Variants in GRK5 observed in about 807,000 individuals in gnomAD.
GRK5 encodes g protein-coupled receptor kinase GRK5.
GRK5 carries 40 observed loss-of-function variants against 78.4 expected under a neutral mutation model. The ratio of observed to expected loss-of-function variants is 0.51; its 90% CI spans 0.40 to 0.66. The LOEUF (loss-of-function observed/expected upper bound fraction) is 0.66. GRK5 is among the 30% of genes least tolerant of loss of function. The pLI, the probability that GRK5 is intolerant of heterozygous loss-of-function variation, is 0.00. For missense variants in GRK5, 598 were observed against 759.9 expected, an observed-to-expected ratio of 0.79 and a Z score of 2.50; for synonymous variants, 289 against 296.8, an observed-to-expected ratio of 0.97 and a Z score of 0.27.
intron 3 of GRK5, among the ~76,000 whole-genome samples, chr10:119,392,593 G>A (rs1417056525): frequency 1.3e-5 from 2 of 152,268 alleles, no homozygotes; most frequent in East Asian, 1.9e-4. Context: ...TAGTGGAGAC[G>A]GGGTTTCACT....
chr10:119,332,313 C>T (rs1227510621), intron 2 of GRK5, among the ~76,000 whole-genome samples: 1 of 151,944 alleles, frequency 6.6e-6, no homozygotes, highest in Non-Finnish European at 1.5e-5. Context: ...TGCCATGTTG[C>T]CCAGGCTGGT....
In GRK5 at chr10:119,431,378, G is replaced by A. The variant is rs747121115; in HGVS notation, c.598-9G>A. ...CTCCTGCCACCCTGGTTTCTTTCTT[G>A]CACTGCAGGTCTGTGCCTGCCAGGT... On this transcript the variant is annotated splice_polypyrimidine_tract_variant and intron_variant, in intron 7 of 15. Transcript: ENST00000392870. This position sits in a 1 kb window ranked among gnomAD's most constrained non-coding sequence, Gnocchi z 4.8. The A allele has an allele frequency of 6.2e-6, 10 of 1,610,186 alleles. No individual in the cohort carries two copies. The highest frequency in any genetic ancestry group is 8.5e-6 in the Non-Finnish European group (10 of 1,178,046).
chr10:119,393,123 G>A (rs1367086630), intron 3 of GRK5, among the ~76,000 whole-genome samples: 1 of 152,244 alleles, frequency 6.6e-6, no homozygotes, highest in African/African-American at 2.4e-5. Context: ...GGCCACTGTG[G>A]AGACATGGCC....
intron 1 of GRK5, among the ~76,000 whole-genome samples, chr10:119,269,401 G>A (rs533770942): frequency 5.9e-5 from 9 of 152,278 alleles, no homozygotes; most frequent in South Asian, 2.1e-4. Context: ...ACATGCAGCC[G>A]AGGGTTCCTG....
At chr10:119,337,942 G>A (rs1283462416) in intron 2 of GRK5, among the ~76,000 whole-genome samples, 1 of 151,988 alleles carries the variant, frequency 6.6e-6, no homozygotes, top group African/African-American at 2.4e-5. Context: ...TTTTTCATGA[G>A]GACACCACTC....
At chr10:119,225,521 C>T (rs1236994468) in intron 1 of GRK5, among the ~76,000 whole-genome samples, 2 of 152,076 alleles carry the variant, frequency 1.3e-5, no homozygotes, top group Non-Finnish European at 2.9e-5. Context: ...CCCTATCAAG[C>T]ACTCTTCTGG....
At position 119,452,931 on chromosome 10, in the gene GRK5, G is replaced by A; in HGVS notation, c.1542+123G>A. The A allele has an allele frequency of 8.1e-7, 1 of 1,228,822 alleles. No individual in the cohort carries two copies. The highest frequency in any genetic ancestry group is 1.2e-6 in the Non-Finnish European group (1 of 860,390). 76.1% of individuals were successfully genotyped at this position (1,228,822 alleles called of 1,614,324 possible). A position where few individuals can be genotyped will look rare whatever the true frequency, so the allele number is the denominator to read the frequency against. On this transcript the variant is annotated intron_variant, in intron 14 of 15. Coordinates refer to ENST00000392870, the MANE Select transcript of GRK5 (RefSeq NM_005308.3). This position sits in a 1 kb window ranked among gnomAD's most constrained non-coding sequence, Gnocchi z 4.4. ...AGCGCATGGTTTCTGTTTTCTCCATGAAGGCAGCACACAAAAGCTGTCAGT... is the reference window on the plus strand; with the variant it reads ...AGCGCATGGTTTCTGTTTTCTCCATAAAGGCAGCACACAAAAGCTGTCAGT...
chr10:119,374,272 G>A (rs1851591446), intron 2 of GRK5, among the ~76,000 whole-genome samples: 1 of 152,222 alleles, frequency 6.6e-6, no homozygotes. Context: ...GAAGTGACTT[G>A]TCCAAGGTTA....
At chr10:119,360,265 C>A (rs1218122903) in intron 2 of GRK5, among the ~76,000 whole-genome samples, 1 of 152,194 alleles carries the variant, frequency 6.6e-6, no homozygotes, top group Non-Finnish European at 1.5e-5. Flanking sequence ...CCAGCCCTGC[C>A]CCAAAGCAGA....
chr10:119,254,116 C>G (rs1849244318), intron 1 of GRK5, among the ~76,000 whole-genome samples: 1 of 152,170 alleles, frequency 6.6e-6, no homozygotes, highest in African/African-American at 2.4e-5. Context: ...GGTGACTGTC[C>G]CCTAAAGTGG....
At chr10:119,248,102 C>T (rs1849143250) in intron 1 of GRK5, among the ~76,000 whole-genome samples, 1 of 152,154 alleles carries the variant, frequency 6.6e-6, no homozygotes, top group Non-Finnish European at 1.5e-5. Flanking sequence ...GCCTCAACCT[C>T]CTGGACTCTA....
At chr10:119,225,483 C>G (rs1398137824) in intron 1 of GRK5, among the ~76,000 whole-genome samples, 1 of 152,060 alleles carries the variant, frequency 6.6e-6, no homozygotes, top group East Asian at 1.9e-4. Context: ...TTGTCACATA[C>G]GGGGGAAGAG....
At chr10:119,413,234 C>T (rs1024960614) in intron 4 of GRK5, among the ~76,000 whole-genome samples, 10 of 151,906 alleles carry the variant, frequency 6.6e-5, no homozygotes, top group Non-Finnish European at 1.3e-4. Context: ...GAGATGGCCA[C>T]GGCCCCTCCA....
chr10:119,335,129 C>CCCCTCTCTCTCT (rs1850852439), intron 2 of GRK5: 2 of 9,872 alleles, frequency 2.0e-4, no homozygotes, highest in African/African-American at 8.6e-4. Context: ...GCCTGCCTTG[C>CCCCTCTCTCTCT]CTCTCTCTCT....
chr10:119,407,932 G>C (rs773519087), intron 4 of GRK5, among the ~76,000 whole-genome samples: 3 of 152,188 alleles, frequency 2.0e-5, no homozygotes, highest in Non-Finnish European at 4.4e-5. Context: ...GGGAGGCCAA[G>C]GCGGGCAAAT....
intron 1 of GRK5, among the ~76,000 whole-genome samples, chr10:119,260,858 C>G (rs1436687019): frequency 2.8e-4 from 43 of 152,192 alleles, no homozygotes; most frequent in African/African-American, 8.7e-4. Flanking sequence ...CCCCACCTTT[C>G]CCCGCTTTCT....
chr10:119,408,363 A>AAAAAAAAT (rs1554918541), intron 4 of GRK5, among the ~76,000 whole-genome samples: 3 of 141,820 alleles, frequency 2.1e-5, no homozygotes, highest in Non-Finnish European at 3.1e-5. Context: ...AAAAAAAAAA[A>AAAAAAAAT]GGCAGAAAAC....
intron 2 of GRK5, among the ~76,000 whole-genome samples, chr10:119,360,290 C>T (rs1297989100): frequency 6.6e-6 from 1 of 152,204 alleles, no homozygotes; most frequent in Non-Finnish European, 1.5e-5. Flanking sequence ...GAGCTTGTGT[C>T]CATTTCTTGG....
rs567517402 is a variant in GRK5, at chr10:119,261,583, C to T, written c.52+53614C>T. Among the ~76,000 whole-genome samples, 173 of 152,234 alleles carry T rather than the reference C, an allele frequency of 1.1e-3. 1 individual carries two copies. Among genetic ancestry groups the T allele is most frequent in the Admixed American group, 1.2e-3 (19 of 15,300 alleles). On this transcript the variant is annotated intron_variant, in intron 1 of 15. Coordinates refer to ENST00000392870, the MANE Select transcript of GRK5 (RefSeq NM_005308.3). ...TGGAGGTTGTAGCGAGCCGAGATCACGCCACTGCACTCCAGCCTGGGCGCC... is the reference window on the plus strand; with the variant it reads ...TGGAGGTTGTAGCGAGCCGAGATCATGCCACTGCACTCCAGCCTGGGCGCC...
Sources: gnomAD v4.1 joint callset for allele counts (sites outside exome capture counted in the v4.1 genomes callset) on GRCh38, gnomAD v4.1.1 for gene constraint, Gnocchi (gnomAD v3.1) non-coding constraint, MANE v1.5 for transcripts, NCBI Gene and HGNC (gene_info 2026-07-23, HGNC 2026-07-21) for gene names.